ZC3H12B: variants seen among roughly 807,000 people sequenced by gnomAD.
The protein encoded by ZC3H12B is probable ribonuclease ZC3H12B.
ZC3H12B carries 7 observed loss-of-function variants against 43.9 expected under a neutral mutation model. The observed-to-expected ratio is 0.16, with a 90% CI of 0.09 to 0.30. The LOEUF (loss-of-function observed/expected upper bound fraction) is 0.30. Ranked by LOEUF, ZC3H12B falls within the 10% of genes least tolerant of loss-of-function variation. The pLI, the probability that ZC3H12B is intolerant of heterozygous loss-of-function variation, is 1.00. For synonymous variants in ZC3H12B, 222 were observed against 241.7 expected (o/e 0.92, Z 0.76); for missense variants, 475 against 670.2 (o/e 0.71, Z 3.22).
intron 2 of ZC3H12B, among the ~76,000 whole-genome samples, chrX:65,371,498 G>T (rs1410088746): frequency 9.0e-6 from 1 of 111,053 alleles, no homozygotes; most frequent in Non-Finnish European, 1.9e-5. Context: ...GAACTCATCT[G>T]GAAAATGAAT....
chrX:65,412,257 C>T (rs138906363), intron 3 of ZC3H12B, among the ~76,000 whole-genome samples: 1 of 111,574 alleles, frequency 9.0e-6, no homozygotes, highest in Non-Finnish European at 1.9e-5. Flanking sequence ...ACCTTTTGTG[C>T]CTTGCTTCTT....
intron 3 of ZC3H12B, among the ~76,000 whole-genome samples, chrX:65,478,021 T>C (rs776645376): frequency 6.6e-4 from 74 of 111,419 alleles, no homozygotes; most frequent in Non-Finnish European, 8.7e-4. Context: ...CAGTGGATTT[T>C]TTATTTCAGT....
chrX:65,177,829 C>T, the ZC3H12B span, among the ~76,000 whole-genome samples: 9 of 112,203 alleles, frequency 8.0e-5, no homozygotes, highest in African/African-American at 2.9e-4. Context: ...GAATCAATAT[C>T]GTGAAAATGG....
At chrX:65,190,181 T>A in the ZC3H12B span, among the ~76,000 whole-genome samples, 1 of 110,861 alleles carries the variant, frequency 9.0e-6, no homozygotes, top group African/African-American at 3.3e-5. Flanking sequence ...ACCAGTACCA[T>A]GCTGTTTTGG....
intron 3 of ZC3H12B, among the ~76,000 whole-genome samples, chrX:65,458,500 A>G (rs1024533384): frequency 3.1e-4 from 35 of 111,970 alleles, no homozygotes; most frequent in Non-Finnish European, 2.8e-4. Flanking sequence ...AGGAATCACA[A>G]CAAACTGTCT....
chrX:65,125,280 A>G, the ZC3H12B span, among the ~76,000 whole-genome samples: 1 of 111,148 alleles, frequency 9.0e-6, no homozygotes, highest in African/African-American at 3.3e-5. Context: ...ATTTCCATGT[A>G]TTTGCTTTAT....
chrX:65,381,004 G>A (rs951854561), intron 2 of ZC3H12B, among the ~76,000 whole-genome samples: 2 of 111,145 alleles, frequency 1.8e-5, no homozygotes, highest in Non-Finnish European at 3.8e-5. Context: ...CATTAATAAT[G>A]GGAGACTTTA....
the ZC3H12B span, among the ~76,000 whole-genome samples, chrX:65,201,595 G>C: frequency 1.1e-5 from 1 of 94,407 alleles, no homozygotes; most frequent in African/African-American, 3.9e-5. Flanking sequence ...CTAGCTTTGG[G>C]GTTTGTTTAA....
At chrX:65,376,428 A>G (rs984092103) in intron 2 of ZC3H12B, among the ~76,000 whole-genome samples, 3 of 111,415 alleles carry the variant, frequency 2.7e-5, no homozygotes, top group African/African-American at 9.8e-5. Flanking sequence ...GAGTGAAAAT[A>G]GGTGGTAGCC....
At chrX:65,060,086 A>ATTTT in the ZC3H12B span, among the ~76,000 whole-genome samples, 1 of 111,965 alleles carries the variant, frequency 8.9e-6, no homozygotes, top group African/African-American at 3.3e-5. Context: ...ACTTTGCTGA[A>ATTTT]TTTATCATTT....
the ZC3H12B span, among the ~76,000 whole-genome samples, chrX:65,152,646 A>G: frequency 9.0e-6 from 1 of 111,464 alleles, no homozygotes; most frequent in Non-Finnish European, 1.9e-5. Context: ...TATCGTGAAA[A>G]TGGCCATACC....
At chrX:65,254,152 C>T in the ZC3H12B span, among the ~76,000 whole-genome samples, 7 of 112,407 alleles carry the variant, frequency 6.2e-5, no homozygotes, top group East Asian at 2.0e-3. Flanking sequence ...CCCCCACTGC[C>T]ACTGCTGCCA....
chrX:65,351,734 C>T, the ZC3H12B span, among the ~76,000 whole-genome samples: 1 of 112,454 alleles, frequency 8.9e-6, no homozygotes, highest in South Asian at 3.7e-4. Context: ...CATCACCGGT[C>T]GTTAGAGAAA....
rs773212474 is a variant in ZC3H12B, at chrX:65,414,342, A to G, written n.407+15638A>G. Among the ~76,000 whole-genome samples the G allele has an allele frequency of 6.3e-5, 7 of 110,827 alleles. No individual in the cohort carries two copies. In the East Asian group the frequency reaches 2.0e-3, roughly 31 times the overall value. On this transcript the variant is annotated intron_variant and non_coding_transcript_variant, in intron 3 of 5. Coordinates refer to the ZC3H12B transcript ENST00000617377. ...GATGTTTGTTACATTTCCCCAGAGA[A>G]GCCATCTGGTTCTGGGCTTTTCTTT...
At chrX:65,381,588 A>G (rs2066440570) in intron 2 of ZC3H12B, among the ~76,000 whole-genome samples, 1 of 111,792 alleles carries the variant, frequency 8.9e-6, no homozygotes, top group Non-Finnish European at 1.9e-5. Context: ...GCAGAAGGCA[A>G]GAAATAACTA....
intron 3 of ZC3H12B, among the ~76,000 whole-genome samples, chrX:65,454,493 G>C (rs1339900022): frequency 8.9e-6 from 1 of 112,157 alleles, no homozygotes; most frequent in East Asian, 2.8e-4. Context: ...AGCGTGAACT[G>C]GGTGGAGCCC....
exon 5 of ZC3H12B, chrX:65,505,107 C>G (rs1198857403): frequency 8.9e-6 from 1 of 112,155 alleles, no homozygotes; most frequent in Admixed American, 9.5e-5. Context: ...TTAAGCTGCA[C>G]TAAATGAATT....
intron 3 of ZC3H12B, among the ~76,000 whole-genome samples, chrX:65,448,234 CA>C (rs906102389): frequency 1.2e-4 from 12 of 100,438 alleles, no homozygotes; most frequent in Non-Finnish European, 1.8e-4. Context: ...GACTCTGTCT[CA>C]AAAAAAAAAG....
At chrX:65,232,669 G>A in the ZC3H12B span, among the ~76,000 whole-genome samples, 137 of 111,673 alleles carry the variant, frequency 1.2e-3, no homozygotes, top group African/African-American at 4.3e-3. Flanking sequence ...AGGAGGACAA[G>A]AAGGAAGGAA....
Sources: allele counts gnomAD v4.1 joint callset (sites outside exome capture counted in the v4.1 genomes callset), GRCh38; gene constraint gnomAD v4.1.1; transcripts MANE v1.5; gene names NCBI Gene and HGNC (gene_info 2026-07-23, HGNC 2026-07-21).